TNIP3: variants seen among roughly 807,000 people sequenced by gnomAD.
TNIP3 encodes TNFAIP3-interacting protein 3.
In TNIP3, 34 loss-of-function variants were observed where a neutral mutation model predicts 54.1. That is an observed-to-expected ratio of 0.63 (90% CI 0.48 to 0.84). The LOEUF is 0.84. Among genes scored for constraint, TNIP3 ranks in the 40% least tolerant of loss-of-function variants. The pLI is 0.00. For missense variants in TNIP3, 366 were observed against 387.6 expected, an observed-to-expected ratio of 0.94 and a Z score of 0.47; for synonymous variants, 134 against 136.8, an observed-to-expected ratio of 0.98 and a Z score of 0.14.
chr4:121,170,351 C>T (rs1453625595), intron 3 of TNIP3, among the ~76,000 whole-genome samples: 2 of 152,158 alleles, frequency 1.3e-5, no homozygotes, highest in East Asian at 3.9e-4. Flanking sequence ...AATCATAGCA[C>T]ACCCCTGCTT....
intron 2 of TNIP3, among the ~76,000 whole-genome samples, chr4:121,193,800 T>G (rs1002328144): frequency 1.3e-5 from 2 of 152,134 alleles, no homozygotes; most frequent in African/African-American, 4.8e-5. Context: ...TATGACAAGA[T>G]GCATTAAAAA....
At chr4:121,202,078 CAA>C (rs1178462917) in intron 2 of TNIP3, among the ~76,000 whole-genome samples, 1 of 151,630 alleles carries the variant, frequency 6.6e-6, no homozygotes, top group East Asian at 1.9e-4. Flanking sequence ...CATATGGAAC[CAA>C]AAAAAGAGCC....
At chr4:121,166,241 CAACA>C (rs1730761665), upstream of TNIP3, among the ~76,000 whole-genome samples, 1 of 152,168 alleles carries the variant, frequency 6.6e-6, no homozygotes, top group African/African-American at 2.4e-5. Context: ...TGCAGATAAA[CAACA>C]AACAGATTTT....
At chr4:121,168,297 C>T (rs1269699917), upstream of TNIP3, among the ~76,000 whole-genome samples, 3 of 151,912 alleles carry the variant, frequency 2.0e-5, no homozygotes, top group African/African-American at 4.8e-5. Flanking sequence ...ACCTCCGCCT[C>T]GTGGGTTCAA....
intron 2 of TNIP3, among the ~76,000 whole-genome samples, chr4:121,196,282 T>C (rs1255643391): frequency 6.6e-6 from 1 of 152,230 alleles, no homozygotes; most frequent in Non-Finnish European, 1.5e-5. Context: ...TAAAAATCCA[T>C]TTTAAACCTG....
At chr4:121,140,098 G>T (rs1270281808) in intron 9 of TNIP3, among the ~76,000 whole-genome samples, 2 of 152,044 alleles carry the variant, frequency 1.3e-5, no homozygotes, top group East Asian at 3.9e-4. Context: ...CACTTTGGGA[G>T]GCCAAGGTGG....
chr4:121,171,596 C>T (rs1723942827), intron 3 of TNIP3, among the ~76,000 whole-genome samples: 2 of 152,140 alleles, frequency 1.3e-5, no homozygotes, highest in South Asian at 2.1e-4. Context: ...CTGTCCTTAC[C>T]ACTTTCACCA....
rs1299133225 is a variant in TNIP3, at chr4:121,131,681, C to T, written c.*950G>A. 6.9e-6 allele frequency: 1 copy of T among 145,512 alleles called. No individual in the cohort carries two copies. The highest frequency in any genetic ancestry group is 1.5e-5 in the Non-Finnish European group (1 of 67,318). The allele number at this position is 145,512 out of a possible 1,614,324, so 9.0% of individuals were successfully genotyped here. On this transcript the variant is annotated 3_prime_UTR_variant, in exon 11 of 11. Transcript: ENST00000057513. Reference sequence around the variant, plus strand: ...AGTCTTGCTCACTCTATTTCCCAGGCTGGAGTGCAGTGGCGATCTCAACTT... The same window carrying T: ...AGTCTTGCTCACTCTATTTCCCAGGTTGGAGTGCAGTGGCGATCTCAACTT...
rs10561132 is a variant in TNIP3, at chr4:121,132,213, AACACACACACACAC to A, written c.*404_*417del. ...AACTGCAGAAATTTTTACCCCAGGA[AACACACACACACAC>A]ACACACACACACACACACACACACA... On this transcript the variant is annotated 3_prime_UTR_variant, in exon 11 of 11. Coordinates refer to ENST00000057513, the MANE Select transcript of TNIP3 (RefSeq NM_024873.6). 30 of 147,054 alleles carry A rather than the reference AACACACACACACAC, an allele frequency of 2.0e-4. No individual in the cohort carries two copies. The highest frequency in any genetic ancestry group is 1.3e-3 in the South Asian group (6 of 4,466). The allele number at this position is 147,054 out of a possible 1,614,324, so 9.1% of individuals were successfully genotyped here.
intron 3 of TNIP3, among the ~76,000 whole-genome samples, chr4:121,175,625 T>C (rs1724271024): frequency 6.6e-6 from 1 of 152,204 alleles, no homozygotes; most frequent in South Asian, 2.1e-4. Context: ...TTGTGGAACA[T>C]GGGACAAATT....
chr4:121,227,347 G>A (rs140472666), intron 1 of TNIP3: 531 of 1,529,648 alleles, frequency 3.5e-4, no homozygotes, highest in Admixed American at 4.4e-4. Flanking sequence ...GTAAGTAAGC[G>A]AAATGAAAGT....
intron 2 of TNIP3, 90 bp from the exon 3 acceptor site, chr4:121,158,842 G>C (rs958086227): frequency 3.9e-6 from 4 of 1,024,328 alleles, no homozygotes; most frequent in Non-Finnish European, 5.9e-6. Flanking sequence ...AGCTTATTAA[G>C]GTTTTAGAAG....
chr4:121,166,605 C>A (rs1331958733), upstream of TNIP3, among the ~76,000 whole-genome samples: 4 of 152,072 alleles, frequency 2.6e-5, no homozygotes, highest in African/African-American at 9.7e-5. Flanking sequence ...TTAAAATTAA[C>A]AAAGGGAAAT....
rs555823284 is a variant in TNIP3, at chr4:121,161,387, G to A, written c.67-171C>T. Among the ~76,000 whole-genome samples, 8 of 152,210 alleles carry A rather than the reference G, an allele frequency of 5.3e-5. No homozygotes were observed. In the South Asian group the frequency reaches 1.7e-3, roughly 32 times the overall value. On this transcript the variant is annotated intron_variant, in intron 1 of 10. Transcript: ENST00000057513. ...CCCTAAGTCCTTCATCATGGCTGGT[G>A]GATGAGTCAGCTTCATATTATGTTT...
At chr4:121,187,259 A>G (rs1183301448) in intron 2 of TNIP3, among the ~76,000 whole-genome samples, 2 of 152,218 alleles carry the variant, frequency 1.3e-5, no homozygotes, top group Non-Finnish European at 2.9e-5. Flanking sequence ...TAACCCTTGC[A>G]TTAGTTCTGT....
intron 2 of TNIP3, among the ~76,000 whole-genome samples, chr4:121,201,576 A>C (rs1579485113): frequency 6.6e-6 from 1 of 152,326 alleles, no homozygotes; most frequent in East Asian, 1.9e-4. Context: ...AAGCCTATCT[A>C]GCTTCATGCA....
At chr4:121,163,908 G>T in intron 1 of TNIP3, 152 bp downstream of exon 1, 2 of 813,946 alleles carry the variant, frequency 2.5e-6, no homozygotes, top group Non-Finnish European at 3.5e-6. Flanking sequence ...TTTTTTCTAT[G>T]TTACATAATT....
At chr4:121,147,598 G>A (rs1729506766) in intron 6 of TNIP3, among the ~76,000 whole-genome samples, 1 of 152,106 alleles carries the variant, frequency 6.6e-6, no homozygotes, top group Non-Finnish European at 1.5e-5. Flanking sequence ...CTCTTGAGAG[G>A]CACTCCAAAT....
intron 2 of TNIP3, among the ~76,000 whole-genome samples, chr4:121,187,161 T>G (rs771890182): frequency 2.0e-5 from 3 of 152,176 alleles, no homozygotes; most frequent in Non-Finnish European, 2.9e-5. Flanking sequence ...GTTGTGCTCT[T>G]AATACAATAC....
Sources: gnomAD v4.1 joint callset for allele counts (sites outside exome capture counted in the v4.1 genomes callset) on GRCh38, gnomAD v4.1.1 for gene constraint, MANE v1.5 for transcripts, NCBI Gene and HGNC (gene_info 2026-07-23, HGNC 2026-07-21) for gene names.